FARP2: variants seen among roughly 807,000 people sequenced by gnomAD.
FARP2 encodes FERM, ARH/RhoGEF and pleckstrin domain protein 2.
Under a neutral mutation model 130.5 loss-of-function variants are expected in FARP2, and 111 were observed. The observed-to-expected ratio is 0.85, with a 90% CI of 0.73 to 1.00. The LOEUF (loss-of-function observed/expected upper bound fraction) is 1.00, where lower values mean the gene tolerates loss of function less well. Ranked by LOEUF, FARP2 falls within the 50% of genes least tolerant of loss-of-function variation. The pLI, the probability that FARP2 is intolerant of heterozygous loss-of-function variation, is 0.00. For missense variants in FARP2, 1,385 were observed against 1,346.3 expected (o/e 1.03, Z -0.45); for synonymous variants, 504 against 516.9 (o/e 0.98, Z 0.34).
At chr2:241,471,862 G>A (rs2124834629) in intron 18 of FARP2, among the ~76,000 whole-genome samples, 1 of 152,158 alleles carries the variant, frequency 6.6e-6, no homozygotes, top group Admixed American at 6.5e-5. Context: ...CTGTTCTGAA[G>A]GGAACCTGTT....
chr2:241,407,583 T>C lies in FARP2; in HGVS notation c.378T>C (p.Pro126=), dbSNP rs775683246. Residue 126 remains proline, a synonymous_variant, in exon 5 of 27, where the codon CCT becomes CCC. Transcript: ENST00000264042. ...GCCTAGCTGTAAAATTTTTTCCACCTGATCCTGGTCAGCTACAAGAAGAAT... is the reference window on the plus strand; with the variant it reads ...GCCTAGCTGTAAAATTTTTTCCACCCGATCCTGGTCAGCTACAAGAAGAAT... ...VLRLAVKFFP[P]DPGQLQEEYT... 18 of 1,613,962 alleles carry C rather than the reference T, an allele frequency of 1.1e-5. No homozygotes were observed. In the African/African-American group the frequency reaches 2.4e-4, roughly 22 times the overall value.
At chr2:241,434,389 C>G in intron 10 of FARP2, 68 bp downstream of exon 10, 1 of 1,174,870 alleles carries the variant, frequency 8.5e-7, no homozygotes, top group Non-Finnish European at 1.2e-6. Context: ...TAGGTAATTC[C>G]TAGTCAAGAA....
intron 17 of FARP2, among the ~76,000 whole-genome samples, chr2:241,464,318 A>G (rs2064110588): frequency 6.6e-6 from 1 of 151,178 alleles, no homozygotes; most frequent in African/African-American, 2.4e-5. Flanking sequence ...GGGTCCCCTC[A>G]GAGCAGGGTC....
At chr2:241,430,181 T>A (rs1457605328) in intron 8 of FARP2, among the ~76,000 whole-genome samples, 1 of 152,270 alleles carries the variant, frequency 6.6e-6, no homozygotes, top group African/African-American at 2.4e-5. Context: ...TTCCCACATT[T>A]GGCCCAAGGG....
chr2:241,368,151 C>A (rs1448556267), intron 1 of FARP2, among the ~76,000 whole-genome samples: 1 of 151,990 alleles, frequency 6.6e-6, no homozygotes, highest in African/African-American at 2.4e-5. Flanking sequence ...TGAGACTATA[C>A]CCACAAGAGC....
intron 9 of FARP2, among the ~76,000 whole-genome samples, chr2:241,433,736 C>G (rs2063148830): frequency 6.6e-6 from 1 of 152,064 alleles, no homozygotes; most frequent in African/African-American, 2.4e-5. Flanking sequence ...TTAGAAAAAC[C>G]CTTCCTGGGC....
intron 13 of FARP2, chr2:241,441,933 T>C: frequency 2.7e-6 from 1 of 371,084 alleles, no homozygotes; most frequent in South Asian, 2.3e-5. Flanking sequence ...TGGCCCCTCC[T>C]TTGTGTGAGC....
At chr2:241,465,771 T>C (rs1185530430) in intron 17 of FARP2, 1 of 1,550,238 alleles carries the variant, frequency 6.5e-7, no homozygotes, top group Non-Finnish European at 8.7e-7. Context: ...AAGCTCCCCC[T>C]CCTCCATCCC....
At chr2:241,443,321 G>A (rs1402270590) in intron 13 of FARP2, 1 of 153,486 alleles carries the variant, frequency 6.5e-6, no homozygotes, top group Non-Finnish European at 1.5e-5. Context: ...AAATAGTGCT[G>A]TGTGTAGATA....
intron 13 of FARP2, chr2:241,445,173 C>G (rs963733607): frequency 4.0e-5 from 6 of 150,586 alleles, no homozygotes; most frequent in Non-Finnish European, 5.9e-5. Context: ...CTCCAGCAGT[C>G]CTCCTGTCTC....
intron 6 of FARP2, 81 bp from the exon 7 acceptor site, chr2:241,413,226 T>A: frequency 1.3e-6 from 1 of 769,708 alleles, no homozygotes; most frequent in Non-Finnish European, 2.0e-6. Context: ...TAATTTTTTT[T>A]TACTTTTAAT....
rs138356789 is a variant in FARP2 at position 241,458,289 on chromosome 2, AG to A, written c.1587+1370del. ...AGAGGCCATGGGGCCTCTAGGAGGG[AG>A]GGAGTCAGTGCTGGTACAGGGGGAG... On this transcript the variant is annotated intron_variant, in intron 14 of 26. Transcript: ENST00000264042. Among the ~76,000 whole-genome samples, 694 of 152,066 alleles carry A rather than the reference AG, an allele frequency of 4.6e-3. 6 individuals carry two copies. The highest frequency in any genetic ancestry group is 0.016 in the African/African-American group (673 of 41,448).
At chr2:241,377,059 T>A (rs1467635188) in intron 2 of FARP2, among the ~76,000 whole-genome samples, 1 of 152,256 alleles carries the variant, frequency 6.6e-6, no homozygotes, top group African/African-American at 2.4e-5. Context: ...ACCTCAGGAA[T>A]TCAATTTTGT....
chr2:241,402,577 T>C (rs1020362021), intron 2 of FARP2, among the ~76,000 whole-genome samples: 1 of 151,986 alleles, frequency 6.6e-6, no homozygotes, highest in African/African-American at 2.4e-5. Context: ...TTTCCCAAGA[T>C]TATAGAGATT....
At chr2:241,388,285 G>T (rs914394024) in intron 2 of FARP2, among the ~76,000 whole-genome samples, 1 of 152,186 alleles carries the variant, frequency 6.6e-6, no homozygotes, top group African/African-American at 2.4e-5. Flanking sequence ...TACATTTATG[G>T]TTAATTGATA....
At chr2:241,466,020 T>C in intron 17 of FARP2, 1 of 1,324,384 alleles carries the variant, frequency 7.6e-7, no homozygotes, top group Non-Finnish European at 9.7e-7. Flanking sequence ...CACAAATCTG[T>C]TTGATCCAGA....
intron 18 of FARP2, among the ~76,000 whole-genome samples, chr2:241,470,526 G>A (rs1445633575): frequency 6.6e-6 from 1 of 151,252 alleles, no homozygotes. Context: ...ATAGTTGGAG[G>A]AGGACTCTGT....
intron 7 of FARP2, among the ~76,000 whole-genome samples, chr2:241,415,988 TCTGTGTG>T (rs2062653869): frequency 1.2e-5 from 1 of 86,730 alleles, no homozygotes; most frequent in Admixed American, 1.2e-4. Context: ...TCAGGGTAGT[TCTGTGTG>T]TGTGTGTGTG....
rs75034852 is a variant in FARP2 at position 241,407,788 on chromosome 2, A to G, written c.410+173A>G. On this transcript the variant is annotated intron_variant, in intron 5 of 26. Coordinates refer to ENST00000264042, the MANE Select transcript of FARP2 (RefSeq NM_014808.4). ...GTTGGCAGTTGACCCTTGCACAAAC[A>G]CATGTGAATAAGACTTCAGTGTAAG... 2.8e-4 allele frequency among the ~76,000 whole-genome samples: 42 copies of G among 152,358 alleles called. No individual in the cohort carries two copies. The East Asian group carries it at 5.6e-3, about 20-fold the overall frequency.
Sources: allele counts gnomAD v4.1 joint callset (sites outside exome capture counted in the v4.1 genomes callset), GRCh38; gene constraint gnomAD v4.1.1; transcripts MANE v1.5; gene names NCBI Gene and HGNC (gene_info 2026-07-23, HGNC 2026-07-21).